The following CNTNAP2 variants were observed in gnomAD, a reference collection of about 807,000 sequenced individuals.
CNTNAP2 encodes contactin associated protein 2.
CNTNAP2 carries 98 observed loss-of-function variants against 155.2 expected under a neutral mutation model. The observed-to-expected ratio is 0.63, with a 90% confidence interval of 0.54 to 0.75. CNTNAP2 has a LOEUF of 0.75. Ranked by LOEUF, CNTNAP2 falls within the 30% of genes least tolerant of loss-of-function variation. The pLI is 0.00. For missense variants in CNTNAP2, 1,727 were observed against 1,688.1 expected (o/e 1.02, Z -0.40); for synonymous variants, 651 against 631.2 (o/e 1.03, Z -0.47).
intron 3 of CNTNAP2, among the ~76,000 whole-genome samples, chr7:146,890,227 T>G (rs1189304367): frequency 6.6e-6 from 1 of 152,236 alleles, no homozygotes; most frequent in African/African-American, 2.4e-5. Context: ...ATAGGCTATC[T>G]TCAGATCTCG....
At chr7:147,789,276 A>C (rs1662350791) in intron 13 of CNTNAP2, among the ~76,000 whole-genome samples, 3 of 152,122 alleles carry the variant, frequency 2.0e-5, no homozygotes. Context: ...CCCTATATCT[A>C]ACTTCTCACC....
chr7:146,338,034 C>A (rs1563044865), intron 1 of CNTNAP2, among the ~76,000 whole-genome samples: 1 of 152,006 alleles, frequency 6.6e-6, no homozygotes, highest in South Asian at 2.1e-4. Context: ...CAAAGATGGC[C>A]TTTTCAACCC....
At chr7:146,406,985 G>C (rs958979027) in intron 1 of CNTNAP2, among the ~76,000 whole-genome samples, 1 of 152,172 alleles carries the variant, frequency 6.6e-6, no homozygotes, top group African/African-American at 2.4e-5. Context: ...CACTTTCTAA[G>C]TAAACATGGT....
intron 15 of CNTNAP2, among the ~76,000 whole-genome samples, chr7:148,072,604 G>A (rs1055939347): frequency 6.6e-6 from 1 of 152,210 alleles, no homozygotes; most frequent in Non-Finnish European, 1.5e-5. Context: ...ATGGGCCATA[G>A]TTTGCCAACC....
At chr7:147,249,942 C>T (rs1043134837) in intron 8 of CNTNAP2, among the ~76,000 whole-genome samples, 1 of 152,172 alleles carries the variant, frequency 6.6e-6, no homozygotes, top group African/African-American at 2.4e-5. Context: ...GGTATTTTCT[C>T]ATTATCCAGA....
chr7:146,154,419 T>G (rs1222329196), intron 1 of CNTNAP2, among the ~76,000 whole-genome samples: 1 of 152,186 alleles, frequency 6.6e-6, no homozygotes, highest in Non-Finnish European at 1.5e-5. Flanking sequence ...CCAGAACAAA[T>G]ACTTCAGTAA....
chr7:147,725,441 G>A (rs1014699807), intron 13 of CNTNAP2, among the ~76,000 whole-genome samples: 2 of 152,032 alleles, frequency 1.3e-5, no homozygotes. Context: ...AATTGTTTAT[G>A]ATCAAAAGAT....
chr7:147,665,074 T>C (rs1316905725), intron 13 of CNTNAP2, among the ~76,000 whole-genome samples: 1 of 152,212 alleles, frequency 6.6e-6, no homozygotes, highest in Non-Finnish European at 1.5e-5. Context: ...TGCCACTGCA[T>C]AACCAAAATC....
At chr7:147,300,352 G>A in intron 9 of CNTNAP2, 62 bp downstream of exon 9, 1 of 1,580,412 alleles carries the variant, frequency 6.3e-7, no homozygotes, top group Non-Finnish European at 8.7e-7. Context: ...TCAAAATGAA[G>A]TTTGATTATG....
intron 20 of CNTNAP2, among the ~76,000 whole-genome samples, chr7:148,263,697 T>A (rs1204336137): frequency 1.3e-4 from 19 of 148,682 alleles, no homozygotes; most frequent in Admixed American, 3.4e-4. Context: ...AGATGGTGCC[T>A]CTGCACTCCA....
chr7:146,345,425 A>T (rs1249126075), intron 1 of CNTNAP2, among the ~76,000 whole-genome samples: 2 of 152,226 alleles, frequency 1.3e-5, no homozygotes, highest in African/African-American at 2.4e-5. Context: ...CGTTGAGGTC[A>T]TTCTGTTGTT....
chr7:147,805,174 C>T (rs1420472497), intron 13 of CNTNAP2, among the ~76,000 whole-genome samples: 8 of 151,486 alleles, frequency 5.3e-5, no homozygotes, highest in East Asian at 2.0e-4. Flanking sequence ...CAGGTTCAAG[C>T]GATTCTCCTG....
intron 11 of CNTNAP2, among the ~76,000 whole-genome samples, chr7:147,518,805 C>A (rs183230254): frequency 6.6e-6 from 1 of 151,894 alleles, no homozygotes; most frequent in Non-Finnish European, 1.5e-5. Context: ...GCAAGGCGGG[C>A]GGATCACCTG....
intron 1 of CNTNAP2, among the ~76,000 whole-genome samples, chr7:146,545,536 G>A (rs553117022): frequency 9.9e-5 from 15 of 151,352 alleles, no homozygotes; most frequent in Admixed American, 4.0e-4. Flanking sequence ...GTTCCCCTCC[G>A]TCTGTCCATG....
At chr7:147,912,632 G>T (rs1032074635) in intron 14 of CNTNAP2, among the ~76,000 whole-genome samples, 1 of 152,154 alleles carries the variant, frequency 6.6e-6, no homozygotes, top group Non-Finnish European at 1.5e-5. Flanking sequence ...CCAGGCAGGA[G>T]CCCAGCCCCT....
At chr7:148,008,186 A>C (rs1457219966) in intron 15 of CNTNAP2, among the ~76,000 whole-genome samples, 1 of 149,702 alleles carries the variant, frequency 6.7e-6, no homozygotes, top group African/African-American at 2.5e-5. Flanking sequence ...AAATGATGAA[A>C]CCCTATGTCT....
At chr7:146,151,318 G>A (rs1393180359) in intron 1 of CNTNAP2, among the ~76,000 whole-genome samples, 2 of 151,902 alleles carry the variant, frequency 1.3e-5, no homozygotes, top group South Asian at 4.1e-4. Flanking sequence ...TTGTGAGTAT[G>A]TGAATATAGT....
At position 146,265,569 on chromosome 7, in the gene CNTNAP2, A is replaced by G. The variant is rs201780130; in HGVS notation, c.97+148596A>G. On this transcript the variant is annotated intron_variant, in intron 1 of 23. Transcript: ENST00000361727. ...TGCCTCCTGGGCTCAAGTGATTCTC[A>G]TGCCTCAGCCTCCTGAGTAGCTGGG... 1.3e-4 allele frequency among the ~76,000 whole-genome samples: 19 copies of G among 149,176 alleles called. No individual in the cohort carries two copies. The East Asian group carries it at 3.8e-3, about 29-fold the overall frequency.
At chr7:146,524,087 AC>A (rs1490384854) in intron 1 of CNTNAP2, among the ~76,000 whole-genome samples, 1 of 151,976 alleles carries the variant, frequency 6.6e-6, no homozygotes, top group Non-Finnish European at 1.5e-5. Context: ...ACTCTACCAA[AC>A]TTTTTGCCAT....
Sources: gnomAD v4.1 joint callset for allele counts (sites outside exome capture counted in the v4.1 genomes callset) on GRCh38, gnomAD v4.1.1 for gene constraint, MANE v1.5 for transcripts, NCBI Gene and HGNC (gene_info 2026-07-23, HGNC 2026-07-21) for gene names.